HS1BP3: variants seen among roughly 807,000 people sequenced by gnomAD.
HS1BP3 encodes HCLS1-binding protein 3.
In HS1BP3, 32 loss-of-function variants were observed where a neutral mutation model predicts 33.5. The ratio of observed to expected loss-of-function variants is 0.95; its 90% CI spans 0.72 to 1.28. HS1BP3 has a LOEUF of 1.28. HS1BP3 is among the 50% of genes most tolerant of loss of function. The pLI is 0.00. For missense variants in HS1BP3, 486 were observed against 502.3 expected (o/e 0.97, Z 0.31); for synonymous variants, 187 against 209.2 (o/e 0.89, Z 0.92).
chr2:20,628,468 C>A (rs1424904334), intron 4 of HS1BP3, among the ~76,000 whole-genome samples: 1 of 152,046 alleles, frequency 6.6e-6, no homozygotes, highest in East Asian at 1.9e-4. Context: ...AATCCCATCT[C>A]TACTAAAAAT....
At chr2:20,604,333 C>T (rs1313183228) in intron 2 of HS1BP3, among the ~76,000 whole-genome samples, 2 of 152,212 alleles carry the variant, frequency 1.3e-5, no homozygotes, top group Non-Finnish European at 2.9e-5. Flanking sequence ...CTGCTTCTCT[C>T]AGCCCCTGAA....
chr2:20,565,008 G>T (rs990331100), intron 5 of HS1BP3, among the ~76,000 whole-genome samples: 1 of 152,212 alleles, frequency 6.6e-6, no homozygotes, highest in Non-Finnish European at 1.5e-5. Flanking sequence ...GGCTCAGGAA[G>T]TGGAGAGGGA....
intron 5 of HS1BP3, among the ~76,000 whole-genome samples, chr2:20,581,163 G>A (rs1476836961): frequency 2.6e-5 from 4 of 152,174 alleles, no homozygotes; most frequent in Non-Finnish European, 5.9e-5. Context: ...CCTGATGGGG[G>A]CTTTGGATCA....
At chr2:20,588,987 C>T (rs988494233), downstream of HS1BP3, among the ~76,000 whole-genome samples, 1 of 152,242 alleles carries the variant, frequency 6.6e-6, no homozygotes, top group East Asian at 1.9e-4. Context: ...ATGCTGACCA[C>T]TGAGTCGGCA....
At chr2:20,586,695 A>G (rs1693692530) in intron 5 of HS1BP3, 1 of 152,224 alleles carries the variant, frequency 6.6e-6, no homozygotes, top group Non-Finnish European at 1.5e-5. Flanking sequence ...CAACACATAT[A>G]TGCAACAGAT....
chr2:20,577,417 C>T (rs967905407), intron 5 of HS1BP3, among the ~76,000 whole-genome samples: 1 of 152,128 alleles, frequency 6.6e-6, no homozygotes, highest in Admixed American at 6.5e-5. Flanking sequence ...GTTGTTTTAC[C>T]CCAAGGGCCT....
chr2:20,606,733 G>A (rs1694189194), intron 2 of HS1BP3: 1 of 231,398 alleles, frequency 4.3e-6, no homozygotes. Flanking sequence ...ATATTTTCAT[G>A]TGTTTGTTGT....
Position 20,610,823 on chromosome 2 carries a change from C to G in HS1BP3, c.179-12558G>C, listed in dbSNP as rs143011145. Among the ~76,000 whole-genome samples, 1,040 of 152,250 alleles carry G rather than the reference C, an allele frequency of 6.8e-3. 5 individuals carry two copies. The highest frequency in any genetic ancestry group is 0.014 in the Middle Eastern group (4 of 294). ...TCCACAGGTATATTGAGATATAATT[C>G]GCGTATAATCAAATGTTCCCATTTT... On this transcript the variant is annotated intron_variant, in intron 2 of 3. Transcript: ENST00000415264.
At chr2:20,598,519 C>G (rs931617958) in intron 2 of HS1BP3, among the ~76,000 whole-genome samples, 13 of 149,080 alleles carry the variant, frequency 8.7e-5, no homozygotes, top group African/African-American at 3.0e-4. Flanking sequence ...CGGTTCCTAA[C>G]AGGCCAGGGA....
downstream of HS1BP3, among the ~76,000 whole-genome samples, chr2:20,556,113 C>T (rs767425216): frequency 5.3e-5 from 8 of 152,218 alleles, no homozygotes; most frequent in Non-Finnish European, 1.0e-4. Flanking sequence ...GTTTCTATTT[C>T]TATTCTAGTA....
intron 5 of HS1BP3, among the ~76,000 whole-genome samples, chr2:20,583,359 T>C (rs73919919): frequency 4.3e-4 from 58 of 136,178 alleles, no homozygotes; most frequent in African/African-American, 1.8e-3. Flanking sequence ...AGGGGCGCAG[T>C]TGGTTCTCAC....
rs992116296 is a variant in HS1BP3 at position 20,622,665 on chromosome 2, G to A, written c.920+1231C>T. The A allele has an allele frequency of 2.5e-5, 6 of 237,588 alleles. No individual in the cohort carries two copies. The East Asian group carries it at 3.6e-4, about 14-fold the overall frequency. The allele number at this position is 237,588 out of a possible 1,614,324, so 14.7% of individuals were successfully genotyped here. The stretch of plus-strand genomic sequence containing the variant: ...ATAAACTAGGCCAGAAAGGTCCCAC[G>A]AGAGCCACCCCACTGGGACACATGG... On this transcript the variant is annotated intron_variant, in intron 6 of 6. Coordinates refer to ENST00000304031, the MANE Select transcript of HS1BP3 (RefSeq NM_022460.4).
At chr2:20,558,018 C>G, downstream of HS1BP3, among the ~76,000 whole-genome samples, 1 of 152,268 alleles carries the variant, frequency 6.6e-6, no homozygotes, top group East Asian at 1.9e-4. Context: ...GCACCTCCCT[C>G]TCCCTCCAGA....
downstream of HS1BP3, among the ~76,000 whole-genome samples, chr2:20,616,117 G>GTTT (rs1694419997): frequency 6.6e-6 from 1 of 152,228 alleles, no homozygotes; most frequent in Non-Finnish European, 1.5e-5. Context: ...AAGTGTTGTT[G>GTTT]TCCCCAGTTA....
chr2:20,638,640 G>A lies in HS1BP3; in HGVS notation c.419C>T (p.Pro140Leu). 6.2e-7 allele frequency: 1 copy of A among 1,613,496 alleles called. No individual in the cohort carries two copies. Residue 140 changes from proline (P) to leucine (L), a missense_variant, in exon 4 of 7, where the codon CCA (proline) becomes CTA (leucine). Pro to Leu is a moderately conservative substitution (Grantham distance 98). Coordinates refer to ENST00000304031, the MANE Select transcript of HS1BP3 (RefSeq NM_022460.4). Reference protein sequence around the residue: ...ELLEFLGTRSPGAAGLTSRDS... With the variant: ...ELLEFLGTRSLGAAGLTSRDS... ...TCTGCTGGTGAGCCCTGCAGCCCCT[G>A]GGGATCTGGTACCTGTGGAGGAAGA...
At chr2:20,559,708 G>GGA (rs1692941198), downstream of HS1BP3, among the ~76,000 whole-genome samples, 3 of 143,514 alleles carry the variant, frequency 2.1e-5, no homozygotes, top group African/African-American at 7.7e-5. Flanking sequence ...GGGTGGGTGG[G>GGA]TGGATGGATG....
chr2:20,585,122 GCCGTGGCTGAGGAGCTCAGCC>G (rs1693648585), intron 5 of HS1BP3, among the ~76,000 whole-genome samples: 1 of 152,186 alleles, frequency 6.6e-6, no homozygotes, highest in Non-Finnish European at 1.5e-5. Flanking sequence ...CCACCTCAGA[GCCGTGGCTGAGGAGCTCAGCC>G]CCTCCTCCCA....
intron 6 of HS1BP3, chr2:20,623,530 T>G (rs902960312): frequency 6.2e-6 from 1 of 162,422 alleles, no homozygotes; most frequent in Non-Finnish European, 1.3e-5. Flanking sequence ...GTGGGCTGCA[T>G]GCTGCCATGA....
intron 4 of HS1BP3, among the ~76,000 whole-genome samples, chr2:20,633,117 C>T (rs1190918248): frequency 3.9e-5 from 6 of 152,222 alleles, no homozygotes; most frequent in South Asian, 2.1e-4. Flanking sequence ...AGTACAGCAA[C>T]GCACTCAGCG....
Sources: gnomAD v4.1 joint callset for allele counts (sites outside exome capture counted in the v4.1 genomes callset) on GRCh38, gnomAD v4.1.1 for gene constraint, MANE v1.5 for transcripts, NCBI Gene and HGNC (gene_info 2026-07-23, HGNC 2026-07-21) for gene names.